The following TBC1D19 variants were observed in gnomAD, a reference collection of about 807,000 sequenced individuals.
The protein encoded by TBC1D19 is TBC1 domain family member 19, also known as TBC1 domain family, member 19.
A neutral mutation model predicts 89.0 loss-of-function variants in TBC1D19; 60 were observed. That is an observed-to-expected ratio of 0.67 (90% CI 0.55 to 0.84). The LOEUF is 0.84. Among genes scored for constraint, TBC1D19 ranks in the 40% least tolerant of loss-of-function variants. The probability of loss-of-function intolerance (pLI) is 0.00; values close to 1 mark genes in which losing one functional copy is unlikely to be tolerated. For missense variants in TBC1D19, 500 were observed against 610.8 expected, an observed-to-expected ratio of 0.82 and a Z score of 1.91; for synonymous variants, 189 against 199.7, an observed-to-expected ratio of 0.95 and a Z score of 0.45.
intron 12 of TBC1D19, among the ~76,000 whole-genome samples, chr4:26,688,013 A>G (rs1046035739): frequency 2.6e-5 from 4 of 152,106 alleles, no homozygotes; most frequent in South Asian, 2.1e-4. Context: ...TTGGGGCCAG[A>G]TCGTTATGGT....
chr4:26,620,986 G>A (rs1440183652), intron 4 of TBC1D19, among the ~76,000 whole-genome samples: 1 of 151,982 alleles, frequency 6.6e-6, no homozygotes, highest in Non-Finnish European at 1.5e-5. Context: ...TATTCTTCAT[G>A]GCCTGTGATA....
chr4:26,584,282 G>A lies in TBC1D19; in HGVS notation c.89G>A (p.Arg30Gln), dbSNP rs1218294846. The A allele has an allele frequency of 6.2e-7, 1 of 1,609,822 alleles. No individual in the cohort carries two copies. Among genetic ancestry groups the A allele is most frequent in the Non-Finnish European group, 8.5e-7 (1 of 1,178,442 alleles). The change falls in exon 1 of 21, where the codon CGG becomes CAG. Residue 30 changes from arginine (R) to glutamine (Q), a missense_variant. By Grantham distance (43) the Arg-to-Gln change is conservative. Around this residue, in one of 2 missense-constraint regions of TBC1D19, gnomAD observed 280 missense variants for 291.7 expected, o/e 0.96. Coordinates refer to ENST00000264866, the MANE Select transcript of TBC1D19 (RefSeq NM_018317.4). ...TCCAATTTGTACTCTCAGCTGGAAC[G>A]GCAGGCCTGGGTAAGTGAGGCCGAG... is the stretch of plus-strand genomic sequence containing the variant. ...KGSNLYSQLE[R>Q]QAWASLQRPE...
the TBC1D19 span, among the ~76,000 whole-genome samples, chr4:26,784,596 A>G: frequency 3.3e-5 from 5 of 152,190 alleles, no homozygotes; most frequent in African/African-American, 4.8e-5. Flanking sequence ...AACCTTTGTT[A>G]TGGACATTCC....
chr4:26,851,044 C>T, the TBC1D19 span, among the ~76,000 whole-genome samples: 1 of 152,226 alleles, frequency 6.6e-6, no homozygotes, highest in African/African-American at 2.4e-5. Flanking sequence ...AGCTGGGACA[C>T]CCTTCTTCTG....
intron 3 of TBC1D19, among the ~76,000 whole-genome samples, chr4:26,617,414 C>T (rs1394330964): frequency 6.6e-6 from 1 of 152,228 alleles, no homozygotes; most frequent in East Asian, 1.9e-4. Context: ...AGTGCTAGGC[C>T]TTAACCTCCA....
rs542656270 is a variant in TBC1D19, at chr4:26,615,856, A to G, written c.218+1403A>G. On this transcript the variant is annotated intron_variant, in intron 3 of 20. Transcript: ENST00000264866. ...GTAAGGTTTTAAATTTACAATATGT[A>G]CTAAAGGTGCCTGTTGTGTATAATT... is the stretch of plus-strand genomic sequence containing the variant. 3.3e-5 allele frequency among the ~76,000 whole-genome samples: 5 copies of G among 152,292 alleles called. No individual in the cohort carries two copies. In the South Asian group the frequency reaches 1.0e-3, roughly 32 times the overall value.
chr4:26,704,367 A>G (rs1000965211), intron 13 of TBC1D19, among the ~76,000 whole-genome samples: 1 of 152,226 alleles, frequency 6.6e-6, no homozygotes, highest in Non-Finnish European at 1.5e-5. Context: ...AAGAATTCAT[A>G]TATAGTAAAA....
In TBC1D19 at chr4:26,753,886, C is replaced by G; in HGVS notation, c.1502C>G (p.Ala501Gly). The G allele has an allele frequency of 6.2e-7, 1 of 1,613,834 alleles. No individual in the cohort carries two copies. The highest frequency in any genetic ancestry group is 8.5e-7 in the Non-Finnish European group (1 of 1,179,838). The change falls in exon 20 of 21, where the codon GCT becomes GGT. Residue 501 changes from alanine (A) to glycine (G), a missense_variant. By Grantham distance (60) the Ala-to-Gly change is moderately conservative. Around this residue, in one of 2 missense-constraint regions of TBC1D19, gnomAD observed 220 missense variants for 319.1 expected, o/e 0.69. Transcript: ENST00000264866. ...ATGGAGGTGACATCACTGGCTGCAG[C>G]TGAAGTAAGGATAAGTTTCACTCAG... The part of the protein sequence containing the change: ...NLMEVTSLAA[A>G]EAVLADLSTL...
chr4:26,820,985 A>G, the TBC1D19 span, among the ~76,000 whole-genome samples: 1,064 of 152,302 alleles, frequency 7.0e-3, 7 homozygotes, highest in Non-Finnish European at 0.012. Flanking sequence ...CTGGCTACCA[A>G]ATGAATGGTA....
At chr4:26,751,316 T>C (rs1333779724) in intron 19 of TBC1D19, among the ~76,000 whole-genome samples, 1 of 152,222 alleles carries the variant, frequency 6.6e-6, no homozygotes, top group Non-Finnish European at 1.5e-5. Flanking sequence ...GTAAAACTCT[T>C]TCCTGCTGGA....
the TBC1D19 span, among the ~76,000 whole-genome samples, chr4:26,813,273 A>G: frequency 6.6e-6 from 1 of 152,168 alleles, no homozygotes; most frequent in Admixed American, 6.5e-5. Context: ...GAAAAAAAAG[A>G]AAAGAAAAGA....
At chr4:26,677,158 G>C (rs1407151725) in intron 11 of TBC1D19, among the ~76,000 whole-genome samples, 1 of 151,922 alleles carries the variant, frequency 6.6e-6, no homozygotes, top group African/African-American at 2.4e-5. Context: ...ATATCATATT[G>C]TATTACTCGA....
intron 4 of TBC1D19, among the ~76,000 whole-genome samples, chr4:26,629,725 A>G (rs1411492964): frequency 6.6e-6 from 1 of 152,048 alleles, no homozygotes; most frequent in African/African-American, 2.4e-5. Flanking sequence ...AAACAATGTT[A>G]CATAGGCATC....
chr4:26,679,335 G>GCCACTGCT (rs1713126188), intron 11 of TBC1D19, among the ~76,000 whole-genome samples: 1 of 152,184 alleles, frequency 6.6e-6, no homozygotes, highest in South Asian at 2.1e-4. Flanking sequence ...CAAGATACAG[G>GCCACTGCT]TCAGGCCACT....
chr4:26,607,054 G>A (rs1741059474), intron 1 of TBC1D19, among the ~76,000 whole-genome samples: 1 of 152,152 alleles, frequency 6.6e-6, no homozygotes, highest in Admixed American at 6.5e-5. Context: ...TGTGTGGGAA[G>A]GGGAGAGGTT....
intron 13 of TBC1D19, among the ~76,000 whole-genome samples, chr4:26,689,315 C>T (rs1415932315): frequency 6.6e-6 from 1 of 151,658 alleles, no homozygotes; most frequent in African/African-American, 2.4e-5. Flanking sequence ...ACTTAAAATT[C>T]CATTTTAATA....
chr4:26,625,005 AT>A (rs2110044332), intron 4 of TBC1D19, among the ~76,000 whole-genome samples: 1 of 152,278 alleles, frequency 6.6e-6, no homozygotes, highest in African/African-American at 2.4e-5. Flanking sequence ...TTCACTTTGT[AT>A]TCAGTAAAAC....
chr4:26,658,224 T>C (rs1744992119), intron 7 of TBC1D19, among the ~76,000 whole-genome samples: 1 of 152,216 alleles, frequency 6.6e-6, no homozygotes, highest in South Asian at 2.1e-4. Flanking sequence ...TTTTAGGTCT[T>C]ATGTTTAAGT....
upstream of TBC1D19, among the ~76,000 whole-genome samples, chr4:26,579,192 CA>C (rs1368319821): frequency 6.6e-6 from 1 of 152,114 alleles, no homozygotes; most frequent in African/African-American, 2.4e-5. Flanking sequence ...ATTTGTGGCC[CA>C]AATATCATTC....
Sources: gnomAD v4.1 joint callset for allele counts (sites outside exome capture counted in the v4.1 genomes callset) on GRCh38, gnomAD v4.1.1 for gene constraint, gnomAD v4.1.1 regional missense constraint, MANE v1.5 for transcripts, NCBI Gene and HGNC (gene_info 2026-07-23, HGNC 2026-07-21) for gene names.